MALRD1: variants seen among roughly 807,000 people sequenced by gnomAD.
MALRD1 encodes MAM and LDL receptor class A domain containing 1.
In MALRD1, 247 loss-of-function variants were observed where a neutral mutation model predicts 242.1. That is an observed-to-expected ratio of 1.02 (90% confidence interval 0.92 to 1.13). The LOEUF (loss-of-function observed/expected upper bound fraction) is 1.13, where lower values mean the gene tolerates loss of function less well. MALRD1 is among the 50% of genes most tolerant of loss of function. The pLI is 0.00. For synonymous variants in MALRD1, 995 were observed against 866.6 expected, an observed-to-expected ratio of 1.15 and a Z score of -2.60; for missense variants, 2,989 against 2,533.1, an observed-to-expected ratio of 1.18 and a Z score of -3.86.
chr10:19,058,891 C>G (rs949098850), intron 1 of MALRD1, among the ~76,000 whole-genome samples: 1 of 152,058 alleles, frequency 6.6e-6, no homozygotes, highest in African/African-American at 2.4e-5. Context: ...AAGATGGATA[C>G]TATTTCAGGC....
chr10:19,491,644 T>G lies in MALRD1; in HGVS notation c.5157T>G (p.Cys1719Trp). 1 of 1,548,980 alleles carries G rather than the reference T, an allele frequency of 6.5e-7. No homozygotes were observed. Among genetic ancestry groups the G allele is most frequent in the East Asian group, 2.4e-5 (1 of 40,876 alleles). The change falls in exon 30 of 40, where the codon TGT becomes TGG. Residue 1719 changes from cysteine to tryptophan, a missense_variant and splice_region_variant. Cys to Trp is a radical substitution (Grantham distance 215). Transcript: ENST00000454679. ...DCSDRSDEAH[C>W]AHYTSTTGSC... ...CTGATAGGTCTGATGAAGCTCACTGTGGTAAGTTTATCTATCTGCTGTATG... is the reference window on the plus strand; with the variant it reads ...CTGATAGGTCTGATGAAGCTCACTGGGGTAAGTTTATCTATCTGCTGTATG...
At chr10:19,382,748 G>A (rs918422710) in intron 26 of MALRD1, among the ~76,000 whole-genome samples, 3 of 151,988 alleles carry the variant, frequency 2.0e-5, no homozygotes, top group African/African-American at 7.2e-5. Flanking sequence ...TCATCAGAAG[G>A]CTCACTGAGT....
intron 1 of MALRD1, among the ~76,000 whole-genome samples, chr10:19,052,838 G>A (rs1394497211): frequency 6.6e-6 from 1 of 152,182 alleles, no homozygotes; most frequent in Non-Finnish European, 1.5e-5. Context: ...CCTTTGGTAA[G>A]GAATTCAGGG....
intron 10 of MALRD1, among the ~76,000 whole-genome samples, chr10:19,140,610 G>T (rs1833506386): frequency 6.6e-6 from 1 of 151,374 alleles, no homozygotes; most frequent in Admixed American, 6.6e-5. Context: ...ATATTATTCA[G>T]CAATAATGAA....
At chr10:19,371,521 T>C (rs1302030178) in intron 26 of MALRD1, among the ~76,000 whole-genome samples, 1 of 152,198 alleles carries the variant, frequency 6.6e-6, no homozygotes, top group Non-Finnish European at 1.5e-5. Context: ...TTTACTTTTA[T>C]ATCTAGCTGT....
chr10:19,410,334 C>G (rs1833225580), intron 28 of MALRD1, among the ~76,000 whole-genome samples: 1 of 152,136 alleles, frequency 6.6e-6, no homozygotes, highest in Non-Finnish European at 1.5e-5. Context: ...TTATTCACCT[C>G]ATTGCAAACC....
chr10:19,475,459 G>A (rs1202861902), intron 29 of MALRD1, among the ~76,000 whole-genome samples: 1 of 152,090 alleles, frequency 6.6e-6, no homozygotes, highest in African/African-American at 2.4e-5. Flanking sequence ...CTTTTTTGTA[G>A]CTTTGTTAAC....
At chr10:19,196,571 C>A (rs1405645247) in intron 14 of MALRD1, among the ~76,000 whole-genome samples, 1 of 135,872 alleles carries the variant, frequency 7.4e-6, no homozygotes, top group Non-Finnish European at 1.6e-5. Context: ...TTTATGCCTT[C>A]TTTTTGTCAC....
At chr10:19,464,203 C>T (rs916532077) in intron 29 of MALRD1, among the ~76,000 whole-genome samples, 1 of 152,060 alleles carries the variant, frequency 6.6e-6, no homozygotes, top group African/African-American at 2.4e-5. Context: ...TGCTATGCAG[C>T]AGCTCTTTAA....
At chr10:19,414,951 A>G (rs909753926) in intron 28 of MALRD1, among the ~76,000 whole-genome samples, 13 of 152,352 alleles carry the variant, frequency 8.5e-5, no homozygotes, top group Admixed American at 2.6e-4. Context: ...CTTATTTTCC[A>G]TAAAATCATC....
chr10:19,101,670 T>C (rs1170352895), intron 4 of MALRD1, among the ~76,000 whole-genome samples: 2 of 135,782 alleles, frequency 1.5e-5, no homozygotes, highest in African/African-American at 5.3e-5. Context: ...TACATCTATG[T>C]ATATAAGATA....
intron 28 of MALRD1, among the ~76,000 whole-genome samples, chr10:19,391,988 G>T (rs4326694): frequency 0.87 from 132,758 of 152,244 alleles, 58,131 homozygotes; most frequent in African/African-American, 0.92. Flanking sequence ...TGACGTTCAA[G>T]TCTAGCCTGA....
intron 21 of MALRD1, among the ~76,000 whole-genome samples, chr10:19,288,419 A>G (rs1162082404): frequency 4.6e-5 from 7 of 151,990 alleles, no homozygotes; most frequent in African/African-American, 1.7e-4. Flanking sequence ...TCCATTAATC[A>G]TCCCCACCTC....
chr10:19,550,831 A>G (rs932924605), intron 32 of MALRD1, among the ~76,000 whole-genome samples: 1 of 152,304 alleles, frequency 6.6e-6, no homozygotes, highest in Admixed American at 6.5e-5. Flanking sequence ...TCTTTATAAT[A>G]GAATGATTTA....
intron 18 of MALRD1, among the ~76,000 whole-genome samples, chr10:19,254,758 C>T (rs939374808): frequency 2.0e-5 from 3 of 151,004 alleles, no homozygotes; most frequent in South Asian, 2.1e-4. Flanking sequence ...ATAAAACATA[C>T]CAATTTTTAA....
chr10:19,675,134 C>G (rs1042042004), intron 36 of MALRD1, among the ~76,000 whole-genome samples: 2 of 152,086 alleles, frequency 1.3e-5, no homozygotes, highest in Admixed American at 1.3e-4. Context: ...AAATGTGCTT[C>G]CTTCCTACAT....
At chr10:19,237,230 T>C (rs914329746) in intron 18 of MALRD1, among the ~76,000 whole-genome samples, 1 of 151,632 alleles carries the variant, frequency 6.6e-6, no homozygotes, top group African/African-American at 2.4e-5. Flanking sequence ...ACACTAAAAC[T>C]TATTCTTCCT....
chr10:19,657,893 A>T (rs908968403), intron 36 of MALRD1, among the ~76,000 whole-genome samples: 11 of 152,180 alleles, frequency 7.2e-5, no homozygotes, highest in Non-Finnish European at 1.6e-4. Flanking sequence ...CATGCCTGTA[A>T]TCCCAGCACT....
intron 8 of MALRD1, among the ~76,000 whole-genome samples, chr10:19,132,480 G>C (rs1351859607): frequency 6.6e-6 from 1 of 152,184 alleles, no homozygotes; most frequent in East Asian, 1.9e-4. Context: ...GAAATATTTA[G>C]GTCTTCGAAA....
Sources: gnomAD v4.1 joint callset for allele counts (sites outside exome capture counted in the v4.1 genomes callset) on GRCh38, gnomAD v4.1.1 for gene constraint, MANE v1.5 for transcripts, NCBI Gene and HGNC (gene_info 2026-07-23, HGNC 2026-07-21) for gene names.